The following PDE4D variants were observed in gnomAD, a reference collection of about 807,000 sequenced individuals.
The protein encoded by PDE4D is 3',5'-cyclic-AMP phosphodiesterase 4D.
In PDE4D, 24 loss-of-function variants were observed where a neutral mutation model predicts 87.4. That is an observed-to-expected ratio of 0.27 (90% CI 0.20 to 0.39). The LOEUF (loss-of-function observed/expected upper bound fraction) is 0.39. PDE4D is among the 10% of genes least tolerant of loss of function. The pLI is 1.00. For missense variants in PDE4D, 714 were observed against 1,041.0 expected, an observed-to-expected ratio of 0.69 and a Z score of 4.32; for synonymous variants, 384 against 383.2, an observed-to-expected ratio of 1.00 and a Z score of -0.02.
At chr5:60,163,946 G>C (rs890703019) in intron 2 of PDE4D, among the ~76,000 whole-genome samples, 3 of 152,140 alleles carry the variant, frequency 2.0e-5, no homozygotes, top group African/African-American at 7.2e-5. Context: ...GGAGAGGAGA[G>C]CATTCTAGCA....
intron 1 of PDE4D, among the ~76,000 whole-genome samples, chr5:60,375,075 C>T (rs1231555890): frequency 6.6e-6 from 1 of 152,152 alleles, no homozygotes; most frequent in Non-Finnish European, 1.5e-5. Flanking sequence ...TTCTTGAAAC[C>T]TTTCCAATCT....
chr5:59,324,087 T>A (rs1458120119), intron 1 of PDE4D, among the ~76,000 whole-genome samples: 1 of 152,098 alleles, frequency 6.6e-6, no homozygotes, highest in Non-Finnish European at 1.5e-5. Flanking sequence ...TCCTTGGCTA[T>A]CTCCTCTTGA....
intron 1 of PDE4D, among the ~76,000 whole-genome samples, chr5:59,233,801 G>A (rs901598146): frequency 6.6e-6 from 1 of 152,122 alleles, no homozygotes; most frequent in African/African-American, 2.4e-5. Context: ...TCATAGAAAA[G>A]AGATACCTAT....
At chr5:59,969,807 T>A (rs886890853) in intron 3 of PDE4D, among the ~76,000 whole-genome samples, 4 of 152,190 alleles carry the variant, frequency 2.6e-5, no homozygotes, top group African/African-American at 9.6e-5. Flanking sequence ...CCTTCTGCCA[T>A]GATTGTAAGT....
intron 5 of PDE4D, among the ~76,000 whole-genome samples, chr5:59,091,984 A>G (rs796094438): frequency 2.6e-4 from 40 of 152,236 alleles, no homozygotes; most frequent in African/African-American, 9.4e-4. Context: ...CAAATGGTAA[A>G]ATGTTAGCAA....
chr5:60,096,160 C>A (rs1020928772), intron 2 of PDE4D, among the ~76,000 whole-genome samples: 5 of 151,936 alleles, frequency 3.3e-5, no homozygotes, highest in African/African-American at 1.2e-4. Context: ...AGTTATGAAG[C>A]CTTTGCCCAT....
At chr5:59,805,900 C>T (rs973977760) in intron 1 of PDE4D, among the ~76,000 whole-genome samples, 1 of 151,938 alleles carries the variant, frequency 6.6e-6, no homozygotes, top group African/African-American at 2.4e-5. Flanking sequence ...ACTTTTGCCA[C>T]CTCCCCGTCT....
intron 1 of PDE4D, among the ~76,000 whole-genome samples, chr5:60,411,926 A>G (rs1210287530): frequency 2.0e-5 from 3 of 152,152 alleles, no homozygotes; most frequent in Non-Finnish European, 2.9e-5. Flanking sequence ...ATTGACCACA[A>G]TCTTTATCTT....
chr5:59,232,811 C>CATATATATAT (rs139070531), intron 1 of PDE4D, among the ~76,000 whole-genome samples: 1 of 143,508 alleles, frequency 7.0e-6, no homozygotes, highest in African/African-American at 2.7e-5. Context: ...AGAGAAAATA[C>CATATATATAT]ATATATATAT....
At chr5:59,282,058 C>T (rs1324919054) in intron 1 of PDE4D, among the ~76,000 whole-genome samples, 2 of 152,008 alleles carry the variant, frequency 1.3e-5, no homozygotes, top group Non-Finnish European at 2.9e-5. Flanking sequence ...AAAAATTATT[C>T]TTCTAACTAT....
chr5:59,854,509 G>T (rs1745132003), intron 1 of PDE4D, among the ~76,000 whole-genome samples: 1 of 151,784 alleles, frequency 6.6e-6, no homozygotes, highest in African/African-American at 2.4e-5. Context: ...TTTCCCTAAT[G>T]ATTTCTTCCT....
intron 1 of PDE4D, among the ~76,000 whole-genome samples, chr5:60,336,411 G>A (rs920664216): frequency 1.3e-5 from 2 of 152,148 alleles, no homozygotes; most frequent in African/African-American, 4.8e-5. Flanking sequence ...CTCAGCAAAG[G>A]TTCATTTTCT....
At chr5:60,358,994 G>T (rs1583518136) in intron 1 of PDE4D, among the ~76,000 whole-genome samples, 1 of 152,104 alleles carries the variant, frequency 6.6e-6, no homozygotes, top group East Asian at 1.9e-4. Context: ...ACATCAATTG[G>T]GCACTTATTA....
At chr5:59,939,468 T>C (rs1240384743) in intron 3 of PDE4D, among the ~76,000 whole-genome samples, 1 of 152,140 alleles carries the variant, frequency 6.6e-6, no homozygotes, top group Non-Finnish European at 1.5e-5. Context: ...GGAAGATAAA[T>C]GCACTCCAAA....
At chr5:59,550,530 C>G (rs1206008300) in intron 1 of PDE4D, among the ~76,000 whole-genome samples, 1 of 151,942 alleles carries the variant, frequency 6.6e-6, no homozygotes, top group Non-Finnish European at 1.5e-5. Context: ...CTAGTTTTGA[C>G]TTTGTTTTTT....
intron 2 of PDE4D, among the ~76,000 whole-genome samples, chr5:60,121,569 T>C (rs1778686807): frequency 6.6e-6 from 1 of 152,112 alleles, no homozygotes; most frequent in African/African-American, 2.4e-5. Flanking sequence ...TCAGATCTTG[T>C]GAGACTTATT....
chr5:60,177,878 T>C (rs1182631865), intron 2 of PDE4D, among the ~76,000 whole-genome samples: 1 of 152,154 alleles, frequency 6.6e-6, no homozygotes, highest in African/African-American at 2.4e-5. Context: ...ATGACGTGTA[T>C]TACTGTAATG....
chr5:59,642,641 TC>T (rs1363497649), intron 1 of PDE4D, among the ~76,000 whole-genome samples: 2 of 152,116 alleles, frequency 1.3e-5, no homozygotes, highest in Non-Finnish European at 2.9e-5. Flanking sequence ...TTCTGAGGCC[TC>T]CCCGGCCATG....
At chr5:59,184,181 G>C (rs1182493106) in intron 4 of PDE4D, among the ~76,000 whole-genome samples, 1 of 152,146 alleles carries the variant, frequency 6.6e-6, no homozygotes, top group Non-Finnish European at 1.5e-5. Flanking sequence ...TGAGAGAATA[G>C]GACTGCAAAA....
Sources: allele counts gnomAD v4.1 joint callset (sites outside exome capture counted in the v4.1 genomes callset), GRCh38; gene constraint gnomAD v4.1.1; transcripts MANE v1.5; gene names NCBI Gene and HGNC (gene_info 2026-07-23, HGNC 2026-07-21).